Variants in GRM7 observed in about 807,000 individuals in gnomAD.
GRM7 encodes the protein glutamate metabotropic receptor 7.
In GRM7, 35 loss-of-function variants were observed where a neutral mutation model predicts 84.5. That is an observed-to-expected ratio of 0.41 (90% CI 0.32 to 0.55). The LOEUF is 0.55. Ranked by LOEUF, GRM7 falls within the 20% of genes least tolerant of loss-of-function variation. GRM7 has a pLI of 0.19. For synonymous variants in GRM7, 487 were observed against 455.1 expected, an observed-to-expected ratio of 1.07 and a Z score of -0.89; for missense variants, 1,003 against 1,194.6, an observed-to-expected ratio of 0.84 and a Z score of 2.36.
rs201018707 is a variant in GRM7, at chr3:7,357,224, C to CT, written c.1033+50573dup. Among the ~76,000 whole-genome samples, 928 of 151,894 alleles carry CT rather than the reference C, an allele frequency of 6.1e-3. 6 individuals are homozygous for CT. The highest frequency in any genetic ancestry group is 0.021 in the African/African-American group (877 of 41,446). ...AAACTCCAAGACAAATCCAATTTTACTACTTCAAAAAAAACAAAAAAGTAT... is the reference window on the plus strand; with the variant it reads ...AAACTCCAAGACAAATCCAATTTTACTTACTTCAAAAAAAACAAAAAAGTAT... On this transcript the variant is annotated intron_variant, in intron 4 of 9. Coordinates refer to ENST00000357716, the MANE Select transcript of GRM7 (RefSeq NM_000844.4).
intron 3 of GRM7, among the ~76,000 whole-genome samples, chr3:7,304,505 T>G (rs1272861430): frequency 3.3e-5 from 5 of 151,876 alleles, no homozygotes; most frequent in Non-Finnish European, 7.4e-5. Flanking sequence ...TTCAATTTTT[T>G]GATTCTTTAT....
At position 7,054,096 on chromosome 3, in the gene GRM7, A is replaced by G. The variant is rs1208387645; in HGVS notation, c.520-92356A>G. On this transcript the variant is annotated intron_variant, in intron 1 of 9. Coordinates refer to ENST00000357716, the MANE Select transcript of GRM7 (RefSeq NM_000844.4). Reference sequence around the variant, plus strand: ...TACTACTATAAGTATTTTCATTTTAATTTTCAATTTTTAAATTACTAGCAT... The same window carrying G: ...TACTACTATAAGTATTTTCATTTTAGTTTTCAATTTTTAAATTACTAGCAT... Among the ~76,000 whole-genome samples, 4 of 150,644 alleles carry G rather than the reference A, an allele frequency of 2.7e-5. No homozygotes were observed. The East Asian group carries it at 5.9e-4, about 22-fold the overall frequency.
intron 4 of GRM7, among the ~76,000 whole-genome samples, chr3:7,336,439 C>G (rs761116180): frequency 6.6e-5 from 10 of 152,034 alleles, no homozygotes; most frequent in African/African-American, 9.6e-5. Context: ...CAACAGTATA[C>G]AGAATGGGGA....
intron 2 of GRM7, among the ~76,000 whole-genome samples, chr3:7,189,477 G>A (rs1247491493): frequency 6.6e-6 from 1 of 152,122 alleles, no homozygotes; most frequent in African/African-American, 2.4e-5. Context: ...TCATTGCCTG[G>A]CATATAGCAA....
chr3:6,988,598 G>A (rs1381081136), intron 1 of GRM7, among the ~76,000 whole-genome samples: 1 of 152,060 alleles, frequency 6.6e-6, no homozygotes, highest in Non-Finnish European at 1.5e-5. Context: ...TAAGCTTACT[G>A]GTTATTGTTG....
In GRM7 at chr3:7,097,513, A is replaced by C. The variant is rs887075806; in HGVS notation, c.520-48939A>C. On this transcript the variant is annotated intron_variant, in intron 1 of 9. Transcript: ENST00000357716. ...GAATCTAAATGTGTCTACTCTATGA[A>C]AACTTGAAGATGGCATTGAACTTTT... 1.1e-4 allele frequency among the ~76,000 whole-genome samples: 16 copies of C among 152,252 alleles called. 2 individuals are homozygous for C. Among genetic ancestry groups the C allele is most frequent in the Admixed American group, 5.2e-4 (8 of 15,258 alleles).
At chr3:7,652,664 C>T (rs995641875) in intron 8 of GRM7, among the ~76,000 whole-genome samples, 13 of 152,166 alleles carry the variant, frequency 8.5e-5, no homozygotes, top group South Asian at 2.1e-4. Context: ...TGCAGGAATA[C>T]GCTTTCACAA....
intron 7 of GRM7, among the ~76,000 whole-genome samples, chr3:7,578,023 T>A (rs1424011952): frequency 6.6e-6 from 1 of 152,258 alleles, no homozygotes; most frequent in African/African-American, 2.4e-5. Context: ...GGGACATTTA[T>A]ACTTATTACC....
At chr3:6,956,801 G>C (rs1693072999) in intron 1 of GRM7, among the ~76,000 whole-genome samples, 1 of 152,126 alleles carries the variant, frequency 6.6e-6, no homozygotes, top group Non-Finnish European at 1.5e-5. Flanking sequence ...CAGGGGCCGG[G>C]AAATACAATT....
intron 4 of GRM7, among the ~76,000 whole-genome samples, chr3:7,397,299 T>G (rs2125152086): frequency 6.6e-6 from 1 of 152,246 alleles, no homozygotes. Context: ...ACATGAATTT[T>G]TGCATCAATT....
At chr3:7,461,443 C>T (rs568537424) in intron 6 of GRM7, 140 bp from the exon 7 acceptor site, 5 of 582,830 alleles carry the variant, frequency 8.6e-6, no homozygotes, top group East Asian at 5.8e-5. Context: ...TTGCAGGGGC[C>T]GTTTTGGGGG....
chr3:7,712,402 G>C (rs1381846711), intron 9 of GRM7, among the ~76,000 whole-genome samples: 5 of 152,104 alleles, frequency 3.3e-5, no homozygotes, highest in African/African-American at 1.2e-4. Context: ...ATTGTGGAAA[G>C]ATGACTTTCT....
At chr3:7,627,485 T>C (rs1234761143) in intron 8 of GRM7, among the ~76,000 whole-genome samples, 1 of 152,176 alleles carries the variant, frequency 6.6e-6, no homozygotes. Context: ...GAATTTTCCT[T>C]TGTAGGTGCA....
chr3:7,368,701 A>C (rs1422593201), intron 4 of GRM7, among the ~76,000 whole-genome samples: 2 of 152,128 alleles, frequency 1.3e-5, no homozygotes, highest in East Asian at 3.9e-4. Flanking sequence ...AGTGAACACT[A>C]CTGTTTGGTT....
At chr3:7,187,063 G>A (rs781166139) in intron 2 of GRM7, among the ~76,000 whole-genome samples, 1 of 152,020 alleles carries the variant, frequency 6.6e-6, no homozygotes, top group Non-Finnish European at 1.5e-5. Flanking sequence ...AGTGTGAATA[G>A]CCACTACACT....
intron 4 of GRM7, among the ~76,000 whole-genome samples, chr3:7,378,094 T>C (rs1257112505): frequency 6.6e-6 from 1 of 152,182 alleles, no homozygotes; most frequent in Non-Finnish European, 1.5e-5. Context: ...CAAAATTATA[T>C]GACTTCAAAG....
chr3:7,618,965 A>T (rs1697239294), intron 8 of GRM7, among the ~76,000 whole-genome samples: 1 of 152,180 alleles, frequency 6.6e-6, no homozygotes, highest in Non-Finnish European at 1.5e-5. Context: ...GAGATCAAAA[A>T]AAGAATTTAT....
intron 1 of GRM7, among the ~76,000 whole-genome samples, chr3:6,890,182 G>T (rs915072697): frequency 6.6e-6 from 1 of 152,196 alleles, no homozygotes; most frequent in East Asian, 1.9e-4. Context: ...CAAAAAACCA[G>T]CTCCTAGATT....
intron 9 of GRM7, chr3:7,693,568 T>C: frequency 1.0e-6 from 1 of 963,946 alleles, no homozygotes; most frequent in South Asian, 1.4e-5. Context: ...CAAATTTCAT[T>C]TGCATTTAAT....
Sources: gnomAD v4.1 joint callset for allele counts (sites outside exome capture counted in the v4.1 genomes callset) on GRCh38, gnomAD v4.1.1 for gene constraint, MANE v1.5 for transcripts, NCBI Gene and HGNC (gene_info 2026-07-23, HGNC 2026-07-21) for gene names.